Variants in ZPBP2 observed in about 807,000 individuals in gnomAD.
The protein encoded by ZPBP2 is zona pellucida-binding protein 2.
A neutral mutation model predicts 37.5 loss-of-function variants in ZPBP2; 34 were observed. That is an observed-to-expected ratio of 0.91 (90% CI 0.69 to 1.21). The LOEUF is 1.21. Among genes scored for constraint, ZPBP2 ranks in the 50% most tolerant of loss-of-function variants. ZPBP2 has a pLI of 0.00. For synonymous variants in ZPBP2, 143 were observed against 138.4 expected (o/e 1.03, Z -0.23); for missense variants, 397 against 413.5 (o/e 0.96, Z 0.35).
At chr17:39,872,993 T>C (rs774247303) in intron 5 of ZPBP2, 51 bp from the exon 6 acceptor site, 10 of 1,558,346 alleles carry the variant, frequency 6.4e-6, no homozygotes, top group Admixed American at 1.7e-5. Context: ...ATTGAAATGT[T>C]TGGAACTTTT....
At chr17:39,868,712 GT>G in intron 2 of ZPBP2, 98 bp downstream of exon 2, 1 of 1,378,764 alleles carries the variant, frequency 7.3e-7, no homozygotes, top group Non-Finnish European at 1.0e-6. Context: ...ACGAGCCAGC[GT>G]TTATTGAGCA....
chr17:39,870,733 T>C lies in ZPBP2; in HGVS notation c.158T>C (p.Leu53Pro). The part of the protein sequence containing the change: ...YVELHQNSPV[L>P]ICMDFKLSKK... Reference sequence around the variant, plus strand: ...GAGTTACATCAAAATAGTCCAGTCCTTATCTGTATGGATTTTAAGCTTTCT... The same window carrying C: ...GAGTTACATCAAAATAGTCCAGTCCCTATCTGTATGGATTTTAAGCTTTCT... Residue 53 changes from leucine to proline, a missense_variant, in exon 3 of 8, where the codon CTT becomes CCT. Transcript: ENST00000348931. The C allele has an allele frequency of 6.5e-7, 1 of 1,550,082 alleles. No individual in the cohort carries two copies.
intron 2 of ZPBP2, among the ~76,000 whole-genome samples, chr17:39,869,405 C>CT (rs1555647285): frequency 0.026 from 3,012 of 115,174 alleles, 146 homozygotes; most frequent in African/African-American, 0.067. Context: ...TTCCTTCCTT[C>CT]TTTTTTTTTT....
In ZPBP2 at chr17:39,875,380, C is replaced by T. The variant is rs773666085; in HGVS notation, c.835C>T (p.Arg279Ter). The T allele has an allele frequency of 6.8e-6, 11 of 1,613,510 alleles. No individual in the cohort carries two copies. Among genetic ancestry groups the T allele is most frequent in the South Asian group, 2.2e-5 (2 of 90,926 alleles). The change falls in exon 7 of 8, where the codon CGA (arginine) becomes TGA (stop). Residue 279 changes from arginine to a stop codon, truncating the protein, a stop_gained. Transcript: ENST00000348931. LOFTEE classifies it high-confidence loss of function. ...GCAAGTAGTACGTCTGGATAGCTGT[C>T]GACCAGGCTTTGGAAAAAATGAACG... ...SLQVVRLDSC[R>*]PGFGKNERLH...
intron 5 of ZPBP2, 69 bp from the exon 6 acceptor site, chr17:39,872,975 G>T: frequency 1.4e-6 from 2 of 1,407,810 alleles, no homozygotes; most frequent in Non-Finnish European, 2.0e-6. Flanking sequence ...TTCAGCACTT[G>T]GACCTTTATT....
In ZPBP2 at chr17:39,868,618, A is replaced by C; in HGVS notation, c.118+4A>C. ...TATGGCAAGACAGGACAGCCAGGTA[A>C]TAAGGGCCTCTGCACACGCGGGCCC... is the stretch of plus-strand genomic sequence containing the variant. On this transcript the variant is annotated splice_donor_region_variant and intron_variant, in intron 2 of 7. Coordinates refer to ENST00000348931, the MANE Select transcript of ZPBP2 (RefSeq NM_199321.3). 6.2e-7 allele frequency: 1 copy of C among 1,614,178 alleles called. No individual in the cohort carries two copies. The highest frequency in any genetic ancestry group is 8.5e-7 in the Non-Finnish European group (1 of 1,180,034).
intron 1 of ZPBP2, 31 bp downstream of exon 1, chr17:39,868,437 T>C: frequency 6.2e-7 from 1 of 1,611,482 alleles, no homozygotes; most frequent in Non-Finnish European, 8.5e-7. Context: ...TCCCCAGGCC[T>C]CTCCCTCTGC....
Position 39,872,282 on chromosome 17 carries a change from C to A in ZPBP2, c.419C>A (p.Pro140His). 1 of 1,589,768 alleles carries A rather than the reference C, an allele frequency of 6.3e-7. No homozygotes were observed. Among genetic ancestry groups the A allele is most frequent in the East Asian group, 2.3e-5 (1 of 44,234 alleles). Reference sequence around the variant, plus strand: ...TTTTTTTTTAAAGCCTATCGGGAACCTGATTATTCATATCAGATGGCTGTA... The same window carrying A: ...TTTTTTTTTAAAGCCTATCGGGAACATGATTATTCATATCAGATGGCTGTA... ...YDFMVFAYRE[P>H]DYSYQMAVRF... Residue 140 changes from proline (P) to histidine (H), a missense_variant, in exon 5 of 8, where the codon CCT becomes CAT. Transcript: ENST00000348931.
intron 7 of ZPBP2, among the ~76,000 whole-genome samples, chr17:39,875,883 CTTTTT>C (rs34192567): frequency 7.8e-5 from 5 of 63,776 alleles, no homozygotes; most frequent in Non-Finnish European, 1.7e-4. Context: ...TGCTTGGCCC[CTTTTT>C]TTTTTTTTTT....
Position 39,876,690 on chromosome 17 carries a change from A to G in ZPBP2, c.898A>G (p.Ser300Gly). The G allele has an allele frequency of 6.2e-7, 1 of 1,613,850 alleles. No individual in the cohort carries two copies. Among genetic ancestry groups the G allele is most frequent in the East Asian group, 2.2e-5 (1 of 44,834 alleles). The change falls in exon 8 of 8, where the codon AGT becomes GGT. Residue 300 changes from serine to glycine, a missense_variant. Coordinates refer to ENST00000348931, the MANE Select transcript of ZPBP2 (RefSeq NM_199321.3). ...TGTGTTTTCCTCTGCAGTGGTTTGT[A>G]GTCCTGCGACTTTTAGTCCTGATGT... is the stretch of plus-strand genomic sequence containing the variant. The part of the protein sequence containing the change: ...SNCASCCVVC[S>G]PATFSPDVNV...
chr17:39,868,646 T>C (rs888902061), intron 2 of ZPBP2, 32 bp downstream of exon 2: 2 of 1,612,400 alleles, frequency 1.2e-6, no homozygotes, highest in Non-Finnish European at 1.7e-6. Flanking sequence ...GCGGGCCCAT[T>C]GGAGGGGCCG....
Position 39,868,330 on chromosome 17 carries a change from C to T in ZPBP2, c.-25C>T, listed in dbSNP as rs767388340. On this transcript the variant is annotated 5_prime_UTR_variant, in exon 1 of 8. Transcript: ENST00000348931. ...TAGGAGGGAGTCTGTCCCTCGACGCCTCCTGCGACGCCAGCCCCTGAGCGA... is the reference window on the plus strand; with the variant it reads ...TAGGAGGGAGTCTGTCCCTCGACGCTTCCTGCGACGCCAGCCCCTGAGCGA... The T allele has an allele frequency of 2.5e-6, 4 of 1,605,850 alleles. No homozygotes were observed. The African/African-American group carries it at 5.3e-5, about 21-fold the overall frequency.
chr17:39,875,879 G>GCC (rs200216139), intron 7 of ZPBP2, among the ~76,000 whole-genome samples: 20 of 112,812 alleles, frequency 1.8e-4, no homozygotes, highest in Non-Finnish European at 3.5e-4. Flanking sequence ...ACCATGCTTG[G>GCC]CCCCTTTTTT....
chr17:39,868,913 C>G (rs1035547262), intron 2 of ZPBP2, among the ~76,000 whole-genome samples: 1 of 152,152 alleles, frequency 6.6e-6, no homozygotes, highest in East Asian at 1.9e-4. Flanking sequence ...GGGAAACCCA[C>G]GCAAAGGAGT....
chr17:39,875,825 G>A (rs529805981), intron 7 of ZPBP2, among the ~76,000 whole-genome samples: 11 of 146,986 alleles, frequency 7.5e-5, no homozygotes, highest in African/African-American at 2.0e-4. Context: ...CAAAGGATCC[G>A]TCTGCCTTGG....
intron 5 of ZPBP2, among the ~76,000 whole-genome samples, chr17:39,872,689 T>G (rs761836004): frequency 1.3e-5 from 2 of 152,214 alleles, no homozygotes; most frequent in Non-Finnish European, 2.9e-5. Flanking sequence ...TGACATATTG[T>G]TGCTTCTTAA....
intron 3 of ZPBP2, 82 bp downstream of exon 3, chr17:39,870,901 A>T (rs1469383010): frequency 8.2e-7 from 1 of 1,214,340 alleles, no homozygotes; most frequent in African/African-American, 1.5e-5. Flanking sequence ...GAAAGAACAA[A>T]TTGAAATTTA....
chr17:39,876,590 G>A, intron 7 of ZPBP2, 92 bp from the exon 8 acceptor site: 1 of 1,420,154 alleles, frequency 7.0e-7, no homozygotes, highest in Non-Finnish European at 9.6e-7. Flanking sequence ...GATATTAAAG[G>A]CAGATTTATA....
At chr17:39,871,431 T>C (rs765629580) in intron 3 of ZPBP2, 33 bp from the exon 4 acceptor site, 34 of 1,457,780 alleles carry the variant, frequency 2.3e-5, no homozygotes, top group Non-Finnish European at 3.0e-5. Flanking sequence ...TGATATGTTA[T>C]ATGTTAAATA....
Sources: gnomAD v4.1 joint callset for allele counts (sites outside exome capture counted in the v4.1 genomes callset) on GRCh38, gnomAD v4.1.1 for gene constraint, MANE v1.5 for transcripts, NCBI Gene and HGNC (gene_info 2026-07-23, HGNC 2026-07-21) for gene names.